TEKT5: variants seen among roughly 807,000 people sequenced by gnomAD.
TEKT5 encodes tektin-5.
Under a neutral mutation model 48.7 loss-of-function variants are expected in TEKT5, and 52 were observed. The ratio of observed to expected loss-of-function variants is 1.07; its 90% CI spans 0.86 to 1.35. The LOEUF (loss-of-function observed/expected upper bound fraction) is 1.35. Ranked by LOEUF, TEKT5 falls within the 40% of genes most tolerant of loss-of-function variation. The pLI is 0.00. For missense variants in TEKT5, 831 were observed against 641.6 expected (o/e 1.30, Z -3.19); for synonymous variants, 318 against 267.6 (o/e 1.19, Z -1.84).
At chr16:10,686,947 G>C (rs1898871008) in intron 3 of TEKT5, among the ~76,000 whole-genome samples, 1 of 152,226 alleles carries the variant, frequency 6.6e-6, no homozygotes, top group South Asian at 2.1e-4. Flanking sequence ...ACATGGATAA[G>C]CCTATAGGAT....
intron 5 of TEKT5, among the ~76,000 whole-genome samples, chr16:10,666,527 A>G (rs2719681): frequency 0.34 from 51,944 of 152,126 alleles, 10,062 homozygotes; most frequent in East Asian, 0.54. Context: ...AAATGCCTCC[A>G]AACATTTCAA....
intron 5 of TEKT5, among the ~76,000 whole-genome samples, chr16:10,654,823 A>C (rs1016771686): frequency 4.6e-5 from 7 of 151,192 alleles, no homozygotes; most frequent in Admixed American, 4.0e-4. Context: ...TCTCAGATAC[A>C]TTTCTATATA....
At chr16:10,687,254 G>C (rs1385136776) in intron 3 of TEKT5, among the ~76,000 whole-genome samples, 1 of 152,130 alleles carries the variant, frequency 6.6e-6, no homozygotes, top group Non-Finnish European at 1.5e-5. Flanking sequence ...TAACATATAT[G>C]TTAATTAGTT....
At position 10,694,343 on chromosome 16, in the gene TEKT5, C is replaced by G. The variant is rs148185751; in HGVS notation, c.531G>C (p.Glu177Asp). The G allele has an allele frequency of 3.0e-3, 4,864 of 1,610,658 alleles. 16 individuals are homozygous for G. The highest frequency in any genetic ancestry group is 3.6e-3 in the Non-Finnish European group (4,190 of 1,178,130). The change falls in exon 1 of 7, where the codon GAG becomes GAC. Residue 177 changes from glutamate (E) to aspartate (D), a missense_variant. Coordinates refer to ENST00000283025, the MANE Select transcript of TEKT5 (RefSeq NM_144674.2). ...GGCAGTTCACCTCATTGGCCGCGCA[C>G]TCCAGCCGCCTCTTGACCGTCTCCA... ...QNLETVKRRL[E>D]CAANEVNCPL...
In TEKT5 at chr16:10,630,812, G is replaced by A. The variant is rs544682387; in HGVS notation, c.1242-3013C>T. ...GGCGGGCAGATCACTTGAGGTCAGGGGTTCGAGACCAGCCTGGTCAACATG... is the reference window on the plus strand; with the variant it reads ...GGCGGGCAGATCACTTGAGGTCAGGAGTTCGAGACCAGCCTGGTCAACATG... On this transcript the variant is annotated intron_variant, in intron 6 of 6. Transcript: ENST00000283025. Among the ~76,000 whole-genome samples the A allele has an allele frequency of 1.6e-3, 243 of 151,942 alleles. 1 individual carries two copies. The highest frequency in any genetic ancestry group is 2.8e-3 in the Admixed American group (42 of 15,260).
chr16:10,645,274 C>T (rs1439984440), intron 5 of TEKT5, among the ~76,000 whole-genome samples: 1 of 152,176 alleles, frequency 6.6e-6, no homozygotes, highest in Admixed American at 6.6e-5. Context: ...CTTTGAGAGG[C>T]TGAGGTGGGA....
chr16:10,644,400 G>C (rs1898039497), intron 5 of TEKT5, among the ~76,000 whole-genome samples: 1 of 152,118 alleles, frequency 6.6e-6, no homozygotes, highest in Non-Finnish European at 1.5e-5. Flanking sequence ...CCCCACATCG[G>C]ATTCTTCCAG....
chr16:10,635,535 G>A (rs1168019514), intron 6 of TEKT5, among the ~76,000 whole-genome samples: 2 of 152,126 alleles, frequency 1.3e-5, no homozygotes, highest in South Asian at 4.1e-4. Flanking sequence ...AGACCACAGT[G>A]CACAGGGTGG....
chr16:10,642,998 G>A (rs1162604736), intron 5 of TEKT5, among the ~76,000 whole-genome samples: 1 of 152,198 alleles, frequency 6.6e-6, no homozygotes, highest in African/African-American at 2.4e-5. Context: ...ACAAAGAAAT[G>A]ATGTTTGAGA....
At chr16:10,679,804 G>A (rs968712508) in intron 4 of TEKT5, among the ~76,000 whole-genome samples, 3 of 152,208 alleles carry the variant, frequency 2.0e-5, no homozygotes, top group African/African-American at 7.2e-5. Flanking sequence ...GGCTGAGGCA[G>A]GAGCATCGCT....
chr16:10,665,236 G>C (rs1056580898), intron 5 of TEKT5, among the ~76,000 whole-genome samples: 1 of 152,086 alleles, frequency 6.6e-6, no homozygotes, highest in African/African-American at 2.4e-5. Context: ...GGGAATGCTG[G>C]GGCATAACAT....
chr16:10,673,274 G>A (rs1898580784), intron 5 of TEKT5, among the ~76,000 whole-genome samples: 1 of 152,140 alleles, frequency 6.6e-6, no homozygotes, highest in South Asian at 2.1e-4. Flanking sequence ...TACAACCTGT[G>A]GACCAAATCC....
chr16:10,689,201 G>C, intron 3 of TEKT5, 52 bp downstream of exon 3: 1 of 1,488,396 alleles, frequency 6.7e-7, no homozygotes, highest in Non-Finnish European at 9.1e-7. Flanking sequence ...AAATCTGAGA[G>C]TCCTAAAACA....
intron 5 of TEKT5, 103 bp from the exon 6 acceptor site, chr16:10,636,021 C>A: frequency 2.0e-6 from 3 of 1,515,772 alleles, no homozygotes; most frequent in Non-Finnish European, 1.8e-6. Flanking sequence ...TCCAGCCAGG[C>A]ACTTAAGATA....
chr16:10,641,388 T>C (rs1263661760), intron 5 of TEKT5, among the ~76,000 whole-genome samples: 2 of 152,084 alleles, frequency 1.3e-5, no homozygotes, highest in Non-Finnish European at 2.9e-5. Flanking sequence ...ACTGAGACGT[T>C]ACAGCCAAGA....
intron 5 of TEKT5, among the ~76,000 whole-genome samples, chr16:10,651,368 T>C (rs1159784030): frequency 6.6e-6 from 1 of 152,202 alleles, no homozygotes; most frequent in Admixed American, 6.5e-5. Context: ...TGGCATACTG[T>C]ATGTTTTACT....
At chr16:10,692,254 G>A (rs1898993247) in intron 1 of TEKT5, among the ~76,000 whole-genome samples, 1 of 152,166 alleles carries the variant, frequency 6.6e-6, no homozygotes, top group Non-Finnish European at 1.5e-5. Context: ...TACTGCTGTA[G>A]GGCTCTGAAA....
intron 5 of TEKT5, among the ~76,000 whole-genome samples, chr16:10,656,809 C>A (rs1034927781): frequency 3.3e-5 from 5 of 149,388 alleles, no homozygotes; most frequent in Non-Finnish European, 4.5e-5. Context: ...GGTGCAATCA[C>A]TCCTCACCAC....
intron 5 of TEKT5, among the ~76,000 whole-genome samples, chr16:10,665,056 T>C (rs1567231407): frequency 6.6e-6 from 1 of 152,092 alleles, no homozygotes; most frequent in Non-Finnish European, 1.5e-5. Context: ...CAATACACTA[T>C]GGGTCTTACC....
Sources: allele counts gnomAD v4.1 joint callset (sites outside exome capture counted in the v4.1 genomes callset), GRCh38; gene constraint gnomAD v4.1.1; transcripts MANE v1.5; gene names NCBI Gene and HGNC (gene_info 2026-07-23, HGNC 2026-07-21).